The following PICALM variants were observed in gnomAD, a reference collection of about 807,000 sequenced individuals.
PICALM encodes the protein phosphatidylinositol binding clathrin assembly protein, also known as phosphatidylinositol-binding clathrin assembly protein.
Under a neutral mutation model 80.5 loss-of-function variants are expected in PICALM, and 40 were observed. The ratio of observed to expected loss-of-function variants is 0.50; its 90% CI spans 0.39 to 0.65. PICALM has a LOEUF of 0.65. PICALM is among the 30% of genes least tolerant of loss of function. The pLI, the probability that PICALM is intolerant of heterozygous loss-of-function variation, is 0.00. For synonymous variants in PICALM, 288 were observed against 260.3 expected (o/e 1.11, Z -1.02); for missense variants, 676 against 778.9 (o/e 0.87, Z 1.57).
At chr11:86,015,048 A>G (rs2095458438) in intron 4 of PICALM, 85 bp from the exon 5 acceptor site, 2 of 741,128 alleles carry the variant, frequency 2.7e-6, no homozygotes, top group Non-Finnish European at 2.2e-6. Flanking sequence ...TTCTACTAAA[A>G]CAGAGAACCA....
At chr11:86,036,902 G>A (rs1482703520) in intron 1 of PICALM, among the ~76,000 whole-genome samples, 1 of 135,272 alleles carries the variant, frequency 7.4e-6, no homozygotes, top group Non-Finnish European at 1.5e-5. Flanking sequence ...ACGAGTTTGA[G>A]ACCAGCCTAA....
chr11:86,064,801 T>A (rs951449964), intron 1 of PICALM, among the ~76,000 whole-genome samples: 1 of 151,874 alleles, frequency 6.6e-6, no homozygotes, highest in Non-Finnish European at 1.5e-5. Context: ...GGGCCAGGCA[T>A]GCTGGCTCAC....
intron 14 of PICALM, 141 bp from the exon 15 acceptor site, chr11:85,982,144 A>G (rs535449820): frequency 1.0e-5 from 7 of 681,636 alleles, no homozygotes; most frequent in Admixed American, 8.0e-5. Flanking sequence ...ATGTCTTTAA[A>G]TGGAAAATGA....
Position 86,068,907 on chromosome 11 carries a change from TGGGGCGCGGTTC to T in PICALM, c.-139_-128del. 2 of 1,328,924 alleles carry T rather than the reference TGGGGCGCGGTTC, an allele frequency of 1.5e-6. No individual in the cohort carries two copies. The highest frequency in any genetic ancestry group is 2.0e-6 in the Non-Finnish European group (2 of 1,007,330). The allele number at this position is 1,328,924 out of a possible 1,614,324, so 82.3% of individuals were successfully genotyped here. On this transcript the variant is annotated 5_prime_UTR_variant, in exon 1 of 20. Transcript: ENST00000393346. ...CCGGCTCCTTCCCCGCCTGCCGGCC[TGGGGCGCGGTTC>T]GGGGCCGCGCGCTGCCACCAGTCCA... is the stretch of plus-strand genomic sequence containing the variant.
Position 85,996,408 on chromosome 11 carries a change from C to T in PICALM, c.1258+418G>A, listed in dbSNP as rs112611447. Among the ~76,000 whole-genome samples the T allele has an allele frequency of 6.6e-5, 10 of 151,850 alleles. 2 individuals are homozygous for T. Among genetic ancestry groups the T allele is most frequent in the African/African-American group, 2.4e-4 (10 of 41,416 alleles). ...ACAACATGTTCCCTGTGTGATAATACCATCTGAGTTTTATTAGAACTATAT... is the reference window on the plus strand; with the variant it reads ...ACAACATGTTCCCTGTGTGATAATATCATCTGAGTTTTATTAGAACTATAT... On this transcript the variant is annotated intron_variant, in intron 12 of 19. Coordinates refer to ENST00000393346, the MANE Select transcript of PICALM (RefSeq NM_007166.4).
chr11:86,030,059 G>A (rs547629130), intron 2 of PICALM, among the ~76,000 whole-genome samples: 1 of 152,010 alleles, frequency 6.6e-6, no homozygotes, highest in South Asian at 2.1e-4. Context: ...TTTCTAGCAA[G>A]GAAAATAGTT....
At chr11:86,007,360 T>C in intron 8 of PICALM, 182 bp downstream of exon 8, 1 of 397,146 alleles carries the variant, frequency 2.5e-6, no homozygotes, top group Non-Finnish European at 4.8e-6. Context: ...ATATAAGTGG[T>C]AAGCAGATCA....
At chr11:86,017,544 C>T (rs1487057558) in intron 4 of PICALM, among the ~76,000 whole-genome samples, 19 of 152,198 alleles carry the variant, frequency 1.2e-4, no homozygotes, top group African/African-American at 4.6e-4. Flanking sequence ...ATACAATATC[C>T]CATTTAATTC....
At chr11:86,021,316 C>A (rs2095558571) in intron 4 of PICALM, among the ~76,000 whole-genome samples, 1 of 151,770 alleles carries the variant, frequency 6.6e-6, no homozygotes, top group African/African-American at 2.4e-5. Context: ...GTGCCACTGT[C>A]TCAAAAAGTG....
In PICALM at chr11:86,032,039, G is replaced by C. The variant is rs557221596; in HGVS notation, c.131-428C>G. Among the ~76,000 whole-genome samples the C allele has an allele frequency of 2.6e-5, 4 of 152,072 alleles. No individual in the cohort carries two copies. The East Asian group carries it at 7.7e-4, about 29-fold the overall frequency. On this transcript the variant is annotated intron_variant, in intron 1 of 19. Transcript: ENST00000393346. ...ATTTAAAGAAATCATCCATACAGAA[G>C]AATGAACAAAATGAAGATCAAACTA...
At chr11:86,041,539 T>A (rs971507405) in intron 1 of PICALM, among the ~76,000 whole-genome samples, 2 of 146,464 alleles carry the variant, frequency 1.4e-5, no homozygotes, top group African/African-American at 4.9e-5. Flanking sequence ...AGGGAATATG[T>A]AGAGAAGAAA....
chr11:86,022,455 T>C lies in PICALM; in HGVS notation c.364A>G (p.Thr122Ala), dbSNP rs1464994938. The C allele has an allele frequency of 1.9e-6, 3 of 1,545,644 alleles. No individual in the cohort carries two copies. The highest frequency in any genetic ancestry group is 1.8e-5 in the Admixed American group (1 of 54,590). ...KSGLQGYDMSTFIRRYSRYLN... is the reference protein window; with the variant it reads ...KSGLQGYDMSAFIRRYSRYLN... ...TATCTACTATACCGCCTAATAAATG[T>C]AGACATGTCATATCCTGTAAAAAAA... Residue 122 changes from threonine (T) to alanine (A), a missense_variant, in exon 4 of 20, where the codon ACA becomes GCA. By Grantham distance (58) the Thr-to-Ala change is moderately conservative. Transcript: ENST00000393346.
intron 1 of PICALM, among the ~76,000 whole-genome samples, chr11:86,034,804 T>C (rs1042237067): frequency 2.0e-5 from 3 of 152,134 alleles, no homozygotes; most frequent in African/African-American, 4.8e-5. Context: ...CTTTTCCATG[T>C]AGAGAAAGCA....
intron 16 of PICALM, 110 bp downstream of exon 16, chr11:85,981,635 A>AT: frequency 2.7e-6 from 2 of 749,468 alleles, no homozygotes; most frequent in Admixed American, 2.6e-5. Context: ...TGCAGACTTG[A>AT]TATCTCTACA....
At chr11:86,009,645 T>C (rs2095356585) in intron 7 of PICALM, among the ~76,000 whole-genome samples, 1 of 151,344 alleles carries the variant, frequency 6.6e-6, no homozygotes, top group African/African-American at 2.4e-5. Context: ...TGAGCCAAGA[T>C]TGCGCCATTG....
chr11:86,016,219 G>A (rs1398126276), intron 4 of PICALM, among the ~76,000 whole-genome samples: 1 of 152,082 alleles, frequency 6.6e-6, no homozygotes, highest in Non-Finnish European at 1.5e-5. Context: ...ACATCTACAT[G>A]GACAACCAAT....
At chr11:85,991,274 A>G (rs2094767882) in intron 12 of PICALM, among the ~76,000 whole-genome samples, 1 of 152,190 alleles carries the variant, frequency 6.6e-6, no homozygotes, top group Admixed American at 6.5e-5. Context: ...TCTTTGTAAC[A>G]TAATTAAAAT....
rs545977239 is a variant in PICALM at position 85,981,640 on chromosome 11, T to G, written c.1679+105A>C. 401 of 777,832 alleles carry G rather than the reference T, an allele frequency of 5.2e-4. 1 individual carries two copies. In the African/African-American group the frequency reaches 6.4e-3, roughly 12 times the overall value. The allele number at this position is 777,832 out of a possible 1,614,324, so 48.2% of individuals were successfully genotyped here. ...AAAAAAAAGATGCAGACTTGATATC[T>G]CTACACATATTTTTGAGAGGAAAGC... On this transcript the variant is annotated intron_variant, in intron 16 of 19. Coordinates refer to ENST00000393346, the MANE Select transcript of PICALM (RefSeq NM_007166.4).
intron 2 of PICALM, among the ~76,000 whole-genome samples, chr11:86,030,946 A>AT (rs1362082941): frequency 6.6e-6 from 1 of 152,002 alleles, no homozygotes; most frequent in African/African-American, 2.4e-5. Flanking sequence ...AAAGACCCCC[A>AT]TCTCTACAAA....
Sources: gnomAD v4.1 joint callset for allele counts (sites outside exome capture counted in the v4.1 genomes callset) on GRCh38, gnomAD v4.1.1 for gene constraint, MANE v1.5 for transcripts, NCBI Gene and HGNC (gene_info 2026-07-23, HGNC 2026-07-21) for gene names.